The following GRIA3 variants were observed in gnomAD, a reference collection of about 807,000 sequenced individuals.
GRIA3 encodes glutamate ionotropic receptor AMPA type subunit 3, also known as glutamate receptor 3.
In GRIA3, 3 loss-of-function variants were observed where a neutral mutation model predicts 63.0. That is an observed-to-expected ratio of 0.05 (90% CI 0.02 to 0.12). The LOEUF is 0.12. GRIA3 is among the 10% of genes least tolerant of loss of function. The probability of loss-of-function intolerance (pLI) is 1.00; values close to 1 mark genes in which losing one functional copy is unlikely to be tolerated. For synonymous variants in GRIA3, 274 were observed against 257.9 expected, an observed-to-expected ratio of 1.06 and a Z score of -0.60; for missense variants, 347 against 700.9, an observed-to-expected ratio of 0.50 and a Z score of 5.70.
intron 2 of GRIA3, among the ~76,000 whole-genome samples, chrX:123,251,466 C>T (rs1254804469): frequency 9.0e-6 from 1 of 111,440 alleles, no homozygotes; most frequent in Non-Finnish European, 1.9e-5. Context: ...GTGTCTCACT[C>T]TGTCGGTCGC....
chrX:123,446,174 G>A (rs2045702137), intron 12 of GRIA3, among the ~76,000 whole-genome samples: 1 of 112,078 alleles, frequency 8.9e-6, no homozygotes, highest in Non-Finnish European at 1.9e-5. Context: ...CATGTGCCAT[G>A]TTGCTAAAAC....
chrX:123,389,060 C>G (rs2045369455), intron 5 of GRIA3, among the ~76,000 whole-genome samples: 1 of 112,148 alleles, frequency 8.9e-6, no homozygotes, highest in Non-Finnish European at 1.9e-5. Context: ...TCTAATTAAA[C>G]TCCTTTGTGG....
At chrX:123,439,733 A>G (rs2045663219) in intron 12 of GRIA3, among the ~76,000 whole-genome samples, 1 of 111,073 alleles carries the variant, frequency 9.0e-6, no homozygotes, top group South Asian at 3.8e-4. Flanking sequence ...AAGCAAAAAT[A>G]GTCTGTTAGT....
chrX:123,251,089 G>A (rs2044386856), intron 2 of GRIA3, among the ~76,000 whole-genome samples: 1 of 111,744 alleles, frequency 8.9e-6, no homozygotes. Context: ...TCATAAAGCT[G>A]ATGAGAATAT....
chrX:123,232,344 TATGGCACCTGGA>T (rs2044280417), intron 2 of GRIA3, among the ~76,000 whole-genome samples: 1 of 111,570 alleles, frequency 9.0e-6, no homozygotes, highest in African/African-American at 3.3e-5. Flanking sequence ...TCATTTCTGT[TATGGCACCTGGA>T]ATGTGCCTAC....
At chrX:123,390,743 C>G (rs2045382109) in intron 5 of GRIA3, among the ~76,000 whole-genome samples, 2 of 111,573 alleles carry the variant, frequency 1.8e-5, no homozygotes, top group Non-Finnish European at 3.8e-5. Flanking sequence ...CTTTCATTTT[C>G]TCTTCACCTT....
Position 123,487,996 on chromosome X carries a change from G to A in GRIA3, c.*3-717G>A, listed in dbSNP as rs760870746. ...GTGCAGAATGAAAGGATAAAGAGAG[G>A]GATGTAAACTTGAAGAGGAGGTAAG... On this transcript the variant is annotated intron_variant, in intron 15 of 15. Transcript: ENST00000620443. Among the ~76,000 whole-genome samples, 5 of 112,105 alleles carry A rather than the reference G, an allele frequency of 4.5e-5. No individual in the cohort carries two copies. The South Asian group carries it at 1.9e-3, about 42-fold the overall frequency.
intron 3 of GRIA3, among the ~76,000 whole-genome samples, chrX:123,287,174 T>C (rs1039108953): frequency 5.4e-5 from 6 of 111,601 alleles, no homozygotes; most frequent in Non-Finnish European, 1.1e-4. Context: ...CACATGATTA[T>C]CTCAATAGAT....
intron 4 of GRIA3, among the ~76,000 whole-genome samples, chrX:123,335,364 C>T (rs189011345): frequency 1.2e-3 from 130 of 111,645 alleles, no homozygotes; most frequent in African/African-American, 3.9e-3. Flanking sequence ...GGCCTCAGCC[C>T]TTCTAGGAAA....
chrX:123,343,050 T>C (rs1262476620), intron 4 of GRIA3, among the ~76,000 whole-genome samples: 5 of 111,779 alleles, frequency 4.5e-5, no homozygotes, highest in Non-Finnish European at 9.4e-5. Context: ...CTGTGAGGCA[T>C]GAGACAAATT....
intron 2 of GRIA3, among the ~76,000 whole-genome samples, chrX:123,233,409 T>C (rs1054629566): frequency 8.9e-6 from 1 of 111,842 alleles, no homozygotes; most frequent in African/African-American, 3.3e-5. Context: ...GTTGAACAAG[T>C]TGGGTTACTT....
At chrX:123,364,546 G>A (rs1232793081) in intron 5 of GRIA3, among the ~76,000 whole-genome samples, 2 of 112,403 alleles carry the variant, frequency 1.8e-5, no homozygotes. Context: ...CAGCCATTAT[G>A]GAAAACAGTA....
chrX:123,353,042 CACACACACACACAA>C (rs1356698628), intron 4 of GRIA3, among the ~76,000 whole-genome samples: 2 of 108,525 alleles, frequency 1.8e-5, no homozygotes, highest in Non-Finnish European at 3.8e-5. Context: ...CACACACACA[CACACACACACACAA>C]ACACACACAC....
intron 2 of GRIA3, among the ~76,000 whole-genome samples, chrX:123,201,399 G>A (rs1341003771): frequency 8.9e-6 from 1 of 111,951 alleles, no homozygotes; most frequent in Admixed American, 9.5e-5. Context: ...CATGATTGTC[G>A]TATGGTAGGA....
chrX:123,402,393 GTGTA>G (rs915473537), intron 7 of GRIA3, among the ~76,000 whole-genome samples: 1 of 58,637 alleles, frequency 1.7e-5, no homozygotes, highest in African/African-American at 6.7e-5. Flanking sequence ...ATATGTGTGT[GTGTA>G]TATATATATA....
intron 11 of GRIA3, among the ~76,000 whole-genome samples, chrX:123,426,724 T>G (rs2045591691): frequency 8.9e-6 from 1 of 112,453 alleles, no homozygotes; most frequent in Admixed American, 9.4e-5. Flanking sequence ...GTAATGCTGA[T>G]GCACAGTAAC....
At chrX:123,336,216 G>A (rs1343686749) in intron 4 of GRIA3, among the ~76,000 whole-genome samples, 1 of 110,307 alleles carries the variant, frequency 9.1e-6, no homozygotes, top group African/African-American at 3.3e-5. Flanking sequence ...ATGTAAATGA[G>A]CAATAACAAA....
chrX:123,454,242 T>A (rs1390073810), intron 12 of GRIA3, among the ~76,000 whole-genome samples: 1 of 111,100 alleles, frequency 9.0e-6, no homozygotes, highest in Non-Finnish European at 1.9e-5. Context: ...GGAGCCTGAA[T>A]GAGTTCCCAG....
chrX:123,343,588 A>AG (rs1491370422), intron 4 of GRIA3, among the ~76,000 whole-genome samples: 54 of 108,433 alleles, frequency 5.0e-4, no homozygotes, highest in Middle Eastern at 4.8e-3. Context: ...AGAGAGAGAG[A>AG]AAGACAGAGA....
Sources: allele counts gnomAD v4.1 joint callset (sites outside exome capture counted in the v4.1 genomes callset), GRCh38; gene constraint gnomAD v4.1.1; transcripts MANE v1.5; gene names NCBI Gene and HGNC (gene_info 2026-07-23, HGNC 2026-07-21).